Variants in KCNMA1 observed in about 807,000 individuals in gnomAD.
The protein encoded by KCNMA1 is potassium calcium-activated channel subfamily M alpha 1.
Under a neutral mutation model 140.0 loss-of-function variants are expected in KCNMA1, and 29 were observed. That is an observed-to-expected ratio of 0.21 (90% CI 0.15 to 0.28). The LOEUF (loss-of-function observed/expected upper bound fraction) is 0.28. Ranked by LOEUF, KCNMA1 falls within the 10% of genes least tolerant of loss-of-function variation. The probability of loss-of-function intolerance (pLI) is 1.00; values close to 1 mark genes in which losing one functional copy is unlikely to be tolerated. For synonymous variants in KCNMA1, 612 were observed against 611.9 expected (o/e 1.00, Z 0.00); for missense variants, 880 against 1,602.2 (o/e 0.55, Z 7.70).
exon 30 of KCNMA1, chr10:76,877,826 C>A: frequency 6.2e-7 from 1 of 1,605,396 alleles, no homozygotes; most frequent in Non-Finnish European, 8.5e-7. Context: ...TGTGGGTACT[C>A]ATGGGCTTGA....
intron 10 of KCNMA1, among the ~76,000 whole-genome samples, chr10:77,088,320 C>T (rs1488678543): frequency 6.6e-6 from 1 of 152,144 alleles, no homozygotes; most frequent in African/African-American, 2.4e-5. Context: ...ATGTTATTAA[C>T]CCAGAGCTTC....
chr10:77,146,101 C>T (rs2098283212), intron 5 of KCNMA1, among the ~76,000 whole-genome samples: 1 of 152,098 alleles, frequency 6.6e-6, no homozygotes. Flanking sequence ...TAAATCTATC[C>T]TCAAAAAATG....
intron 1 of KCNMA1, among the ~76,000 whole-genome samples, chr10:77,531,351 T>C (rs1237032931): frequency 6.6e-6 from 1 of 152,158 alleles, no homozygotes; most frequent in Non-Finnish European, 1.5e-5. Flanking sequence ...AATTCATCTA[T>C]GCATAAACAA....
chr10:76,994,070 G>A (rs552626153), intron 19 of KCNMA1, among the ~76,000 whole-genome samples: 27 of 152,154 alleles, frequency 1.8e-4, no homozygotes, highest in Non-Finnish European at 2.2e-4. Flanking sequence ...GAGCCACACG[G>A]CCTGTGTTGA....
chr10:77,260,645 G>A (rs942429815), intron 2 of KCNMA1, among the ~76,000 whole-genome samples: 1 of 152,162 alleles, frequency 6.6e-6, no homozygotes, highest in African/African-American at 2.4e-5. Context: ...AGTGGTGGAG[G>A]TTGCAGTGAG....
chr10:77,001,794 T>G (rs1412555869), intron 18 of KCNMA1, among the ~76,000 whole-genome samples: 1 of 152,182 alleles, frequency 6.6e-6, no homozygotes, highest in Non-Finnish European at 1.5e-5. Flanking sequence ...CTTTATCGTC[T>G]CCCAAGGCTG....
intron 2 of KCNMA1, among the ~76,000 whole-genome samples, chr10:77,281,556 G>C (rs1292923329): frequency 6.6e-6 from 1 of 152,070 alleles, no homozygotes; most frequent in Non-Finnish European, 1.5e-5. Context: ...GGCTGTGTCC[G>C]GGCTGACTTT....
At chr10:77,024,697 A>C (rs778751041) in intron 16 of KCNMA1, among the ~76,000 whole-genome samples, 1 of 152,164 alleles carries the variant, frequency 6.6e-6, no homozygotes, top group African/African-American at 2.4e-5. Flanking sequence ...CACACTAGGA[A>C]AAAAAAGCCA....
chr10:76,958,230 C>T (rs2069221157), intron 20 of KCNMA1, among the ~76,000 whole-genome samples: 1 of 152,172 alleles, frequency 6.6e-6, no homozygotes, highest in Non-Finnish European at 1.5e-5. Context: ...GACCCACTTC[C>T]AAAGCCTCTC....
intron 1 of KCNMA1, among the ~76,000 whole-genome samples, chr10:77,588,433 T>A (rs1169642646): frequency 1.3e-5 from 2 of 152,144 alleles, no homozygotes; most frequent in African/African-American, 4.8e-5. Flanking sequence ...TCCAGGGCCG[T>A]GGGACTGCAG....
At chr10:77,457,203 T>C (rs1174981353) in intron 1 of KCNMA1, among the ~76,000 whole-genome samples, 6 of 152,002 alleles carry the variant, frequency 3.9e-5, no homozygotes, top group African/African-American at 1.5e-4. Flanking sequence ...GACCCAGTCT[T>C]TACCCCTCGT....
At chr10:77,623,936 C>T (rs185711422) in intron 1 of KCNMA1, among the ~76,000 whole-genome samples, 245 of 152,266 alleles carry the variant, frequency 1.6e-3, no homozygotes, top group Non-Finnish European at 3.1e-3. Flanking sequence ...GTAGCATAAT[C>T]GAATCGATGT....
chr10:77,321,898 G>C (rs996245977), intron 2 of KCNMA1, among the ~76,000 whole-genome samples: 2 of 152,210 alleles, frequency 1.3e-5, no homozygotes, highest in East Asian at 3.9e-4. Context: ...TTATCCACAA[G>C]GGAGTACGCT....
At chr10:76,903,267 T>C (rs1399429804) in intron 25 of KCNMA1, 2 of 152,256 alleles carry the variant, frequency 1.3e-5, no homozygotes, top group African/African-American at 4.8e-5. Flanking sequence ...TAATTGGTCT[T>C]TTATAGAAAA....
At chr10:77,245,997 C>T (rs1049482826) in intron 3 of KCNMA1, among the ~76,000 whole-genome samples, 6 of 152,152 alleles carry the variant, frequency 3.9e-5, no homozygotes, top group African/African-American at 1.4e-4. Flanking sequence ...CATGGAAGGC[C>T]TGTGATAGGA....
chr10:77,528,004 C>T (rs1245132436), intron 1 of KCNMA1, among the ~76,000 whole-genome samples: 1 of 152,168 alleles, frequency 6.6e-6, no homozygotes, highest in Non-Finnish European at 1.5e-5. Flanking sequence ...AATTCCCAGA[C>T]CCTCTACTCA....
Position 76,887,769 on chromosome 10 carries a change from C to G in KCNMA1, c.3462-254G>C, listed in dbSNP as rs1042872670. On this transcript the variant is annotated intron_variant, in intron 27 of 27. Coordinates refer to ENST00000286628, the MANE Select transcript of KCNMA1 (RefSeq NM_001161352.2). ...TAGAGCCAGTAATGGAAGAACCAAACTTCGCTTCTCGTGGTCTACATGTAC... is the reference window on the plus strand; with the variant it reads ...TAGAGCCAGTAATGGAAGAACCAAAGTTCGCTTCTCGTGGTCTACATGTAC... 7.6e-6 allele frequency: 4 copies of G among 523,488 alleles called. No homozygotes were observed. The African/African-American group carries it at 7.7e-5, about 10-fold the overall frequency. 32.4% of individuals were successfully genotyped at this position (523,488 alleles called of 1,614,324 possible).
At chr10:77,448,500 A>G (rs1229678413) in intron 1 of KCNMA1, among the ~76,000 whole-genome samples, 2 of 152,172 alleles carry the variant, frequency 1.3e-5, no homozygotes, top group East Asian at 3.9e-4. Context: ...TTGTTGACAT[A>G]GTCACTTTAC....
At chr10:77,373,500 G>A (rs771762807) in intron 2 of KCNMA1, among the ~76,000 whole-genome samples, 1 of 152,190 alleles carries the variant, frequency 6.6e-6, no homozygotes, top group Non-Finnish European at 1.5e-5. Flanking sequence ...CAACAATAAT[G>A]GGACAGTGCT....
Sources: allele counts gnomAD v4.1 joint callset (sites outside exome capture counted in the v4.1 genomes callset), GRCh38; gene constraint gnomAD v4.1.1; transcripts MANE v1.5; gene names NCBI Gene and HGNC (gene_info 2026-07-23, HGNC 2026-07-21).